The following TENM2 variants were observed in gnomAD, a reference collection of about 807,000 sequenced individuals.
The protein encoded by TENM2 is teneurin-2.
A neutral mutation model predicts 245.2 loss-of-function variants in TENM2; 52 were observed. The ratio of observed to expected loss-of-function variants is 0.21; its 90% CI spans 0.17 to 0.27. The LOEUF is 0.27. TENM2 is among the 10% of genes least tolerant of loss of function. The pLI, the probability that TENM2 is intolerant of heterozygous loss-of-function variation, is 1.00. For synonymous variants in TENM2, 1,363 were observed against 1,438.9 expected (o/e 0.95, Z 1.19); for missense variants, 3,046 against 3,666.8 (o/e 0.83, Z 4.37).
chr5:168,154,164 A>AAAAAAAAAAAAAAAAAAAAAC (rs1171979738), intron 12 of TENM2, among the ~76,000 whole-genome samples: 4 of 150,658 alleles, frequency 2.7e-5, no homozygotes, highest in African/African-American at 9.9e-5. Context: ...AAAAAAAAAA[A>AAAAAAAAAAAAAAAAAAAAAC]AACAGTAAGA....
intron 2 of TENM2, among the ~76,000 whole-genome samples, chr5:167,633,964 T>C (rs1779032152): frequency 6.6e-6 from 1 of 152,204 alleles, no homozygotes; most frequent in Admixed American, 6.5e-5. Context: ...GGGCGTTTCC[T>C]GAGCAACTGG....
intron 7 of TENM2, among the ~76,000 whole-genome samples, chr5:168,086,664 GC>G (rs1004841142): frequency 1.3e-5 from 2 of 152,158 alleles, no homozygotes; most frequent in African/African-American, 2.4e-5. Flanking sequence ...CAGAGCTTCT[GC>G]AGACCTAATG....
intron 2 of TENM2, among the ~76,000 whole-genome samples, chr5:167,451,834 A>T (rs1464537846): frequency 2.0e-5 from 3 of 152,202 alleles, no homozygotes; most frequent in East Asian, 3.9e-4. Context: ...TATTTTTAGT[A>T]GAGACAGGGT....
chr5:167,683,458 T>C (rs571511525), intron 2 of TENM2, among the ~76,000 whole-genome samples: 1 of 152,326 alleles, frequency 6.6e-6, no homozygotes, highest in Non-Finnish European at 1.5e-5. Context: ...ACTGCGCTTA[T>C]CGTTAAAAAC....
chr5:168,198,489 C>G (rs545147400), intron 15 of TENM2, among the ~76,000 whole-genome samples: 5 of 152,294 alleles, frequency 3.3e-5, no homozygotes, highest in Admixed American at 2.0e-4. Context: ...AGCCACCATG[C>G]CCTGCCCAAT....
At chr5:168,112,141 C>T (rs990383952) in intron 9 of TENM2, among the ~76,000 whole-genome samples, 7 of 152,134 alleles carry the variant, frequency 4.6e-5, no homozygotes, top group Admixed American at 3.9e-4. Flanking sequence ...ATCTCCCTCC[C>T]AGGAAAATAA....
At chr5:168,163,895 G>T (rs991258732) in intron 13 of TENM2, among the ~76,000 whole-genome samples, 4 of 152,166 alleles carry the variant, frequency 2.6e-5, no homozygotes, top group Admixed American at 2.0e-4. Context: ...TAGCCTAGAT[G>T]GGTCCTGGTG....
At chr5:168,246,235 C>CA (rs111982569) in intron 26 of TENM2, among the ~76,000 whole-genome samples, 52,093 of 129,392 alleles carry the variant, frequency 0.4, 9,610 homozygotes, top group South Asian at 0.46. Flanking sequence ...GACTCTGTTT[C>CA]AAAAAAAAAA....
the TENM2 span, among the ~76,000 whole-genome samples, chr5:167,258,340 G>A: frequency 6.6e-6 from 1 of 151,524 alleles, no homozygotes; most frequent in African/African-American, 2.4e-5. Flanking sequence ...AATAAAAAGG[G>A]TAAACTTTCC....
chr5:168,204,040 C>T (rs920666532), intron 18 of TENM2, among the ~76,000 whole-genome samples: 2 of 151,408 alleles, frequency 1.3e-5, no homozygotes, highest in African/African-American at 4.9e-5. Flanking sequence ...TTAATAGAGA[C>T]AGGGTCTTGC....
intron 2 of TENM2, among the ~76,000 whole-genome samples, chr5:167,675,866 C>A (rs1049067299): frequency 6.6e-6 from 1 of 152,040 alleles, no homozygotes; most frequent in Non-Finnish European, 1.5e-5. Context: ...AATAATAACA[C>A]AGTAAATTTA....
At chr5:167,192,530 T>C in the TENM2 span, among the ~76,000 whole-genome samples, 1 of 151,982 alleles carries the variant, frequency 6.6e-6, no homozygotes. Context: ...CCAAGAGCAA[T>C]GTAGGATGCC....
At chr5:166,990,275 G>T in the TENM2 span, among the ~76,000 whole-genome samples, 2 of 152,114 alleles carry the variant, frequency 1.3e-5, no homozygotes, top group Non-Finnish European at 2.9e-5. Context: ...TGCATCTGAA[G>T]GCTCAGCCTT....
chr5:167,199,548 G>A, the TENM2 span, among the ~76,000 whole-genome samples: 23 of 152,038 alleles, frequency 1.5e-4, no homozygotes, highest in African/African-American at 2.2e-4. Flanking sequence ...TCTCTCTCCC[G>A]TTTTCAGGAC....
chr5:167,985,205 C>T (rs899504177), intron 4 of TENM2, among the ~76,000 whole-genome samples: 3 of 152,320 alleles, frequency 2.0e-5, no homozygotes, highest in Admixed American at 2.0e-4. Flanking sequence ...ACCACAGCCC[C>T]ATTCCTGGGG....
intron 1 of TENM2, among the ~76,000 whole-genome samples, chr5:167,362,478 T>A (rs1248788249): frequency 2.6e-5 from 4 of 152,200 alleles, no homozygotes; most frequent in African/African-American, 9.6e-5. Context: ...CTGTGATCCA[T>A]CCATCTCACT....
At chr5:167,628,016 G>A (rs1309488843) in intron 2 of TENM2, among the ~76,000 whole-genome samples, 1 of 152,190 alleles carries the variant, frequency 6.6e-6, no homozygotes, top group Non-Finnish European at 1.5e-5. Flanking sequence ...CGGTAGAACG[G>A]CAGTGTCTTT....
intron 2 of TENM2, among the ~76,000 whole-genome samples, chr5:167,508,665 T>A (rs1203440884): frequency 6.6e-6 from 1 of 152,088 alleles, no homozygotes; most frequent in African/African-American, 2.4e-5. Flanking sequence ...ATGTTAAGAG[T>A]TATTTATCAC....
At chr5:167,422,388 C>T (rs190841283) in intron 2 of TENM2, among the ~76,000 whole-genome samples, 128 of 152,264 alleles carry the variant, frequency 8.4e-4, no homozygotes, top group Admixed American at 4.6e-3. Context: ...CAGATCAACA[C>T]GTCCATGATT....
Sources: allele counts gnomAD v4.1 joint callset (sites outside exome capture counted in the v4.1 genomes callset), GRCh38; gene constraint gnomAD v4.1.1; transcripts MANE v1.5; gene names NCBI Gene and HGNC (gene_info 2026-07-23, HGNC 2026-07-21).